The following LARP7 variants were observed in gnomAD, a reference collection of about 807,000 sequenced individuals.
The protein encoded by LARP7 is la-related protein 7.
A neutral mutation model predicts 69.3 loss-of-function variants in LARP7; 52 were observed. The ratio of observed to expected loss-of-function variants is 0.75; its 90% CI spans 0.60 to 0.95. The LOEUF is 0.95. Among genes scored for constraint, LARP7 ranks in the 40% least tolerant of loss-of-function variants. LARP7 has a pLI of 0.00. For synonymous variants in LARP7, 254 were observed against 215.9 expected (o/e 1.18, Z -1.55); for missense variants, 733 against 673.0 (o/e 1.09, Z -0.99).
Position 112,641,484 on chromosome 4 carries a change from G to A in LARP7, c.-2-3184G>A, listed in dbSNP as rs148660216. 5.2e-3 allele frequency among the ~76,000 whole-genome samples: 794 copies of A among 151,674 alleles called. 13 individuals carry two copies. Among genetic ancestry groups the A allele is most frequent in the African/African-American group, 0.017 (704 of 40,978 alleles). ...AAATGGTAATTCTATCTGGAGAATC[G>A]ATTATAAGGGAAGAAGATTAGAAGC... is the stretch of plus-strand genomic sequence containing the variant. On this transcript the variant is annotated intron_variant, in intron 1 of 12. Transcript: ENST00000344442.
At chr4:112,651,593 A>C (rs1202462024) in intron 10 of LARP7, among the ~76,000 whole-genome samples, 1 of 149,580 alleles carries the variant, frequency 6.7e-6, no homozygotes, top group Non-Finnish European at 1.5e-5. Flanking sequence ...TAACTTTATC[A>C]ATTACAAATT....
chr4:112,655,364 G>A (rs1246093008), intron 12 of LARP7: 1 of 152,056 alleles, frequency 6.6e-6, no homozygotes, highest in Non-Finnish European at 1.5e-5. Context: ...AAAATTTAGA[G>A]CTCATCTTTG....
At chr4:112,654,337 A>G in intron 12 of LARP7, 178 bp downstream of exon 12, 3 of 493,064 alleles carry the variant, frequency 6.1e-6, no homozygotes, top group South Asian at 3.4e-5. Context: ...TTCAAAATGT[A>G]TGAAATTGAA....
intron 1 of LARP7, among the ~76,000 whole-genome samples, chr4:112,643,459 C>T (rs1156444707): frequency 6.6e-6 from 1 of 152,064 alleles, no homozygotes. Flanking sequence ...GCTGACAAAG[C>T]AAAGGGGAAG....
At chr4:112,639,854 A>G (rs868344727) in intron 1 of LARP7, among the ~76,000 whole-genome samples, 16 of 152,208 alleles carry the variant, frequency 1.1e-4, no homozygotes, top group South Asian at 4.1e-4. Context: ...ATAATTGGAT[A>G]ATTATCAATA....
At chr4:112,644,551 T>C in intron 1 of LARP7, 117 bp from the exon 2 acceptor site, 1 of 1,041,508 alleles carries the variant, frequency 9.6e-7, no homozygotes, top group Non-Finnish European at 1.3e-6. Flanking sequence ...GTTTGTCTTC[T>C]GATGGCCAAA....
At chr4:112,648,327 A>C in intron 8 of LARP7, 1 of 529,452 alleles carries the variant, frequency 1.9e-6, no homozygotes, top group Non-Finnish European at 3.9e-6. Context: ...AATAACAAAA[A>C]AATTTTGTAA....
chr4:112,649,992 C>T (rs1378324412), intron 9 of LARP7: 1 of 200,604 alleles, frequency 5.0e-6, no homozygotes, highest in Non-Finnish European at 1.0e-5. Flanking sequence ...AGTTTCTCAC[C>T]TGTTAATTTC....
intron 1 of LARP7, among the ~76,000 whole-genome samples, chr4:112,638,199 G>A (rs2047776551): frequency 6.6e-6 from 1 of 152,214 alleles, no homozygotes; most frequent in African/African-American, 2.4e-5. Flanking sequence ...AAGAGGCTTG[G>A]TTGGGAGAAT....
At chr4:112,650,834 T>G (rs572586379) in intron 10 of LARP7, among the ~76,000 whole-genome samples, 2 of 152,326 alleles carry the variant, frequency 1.3e-5, no homozygotes, top group Non-Finnish European at 2.9e-5. Flanking sequence ...AAATTGTAAC[T>G]TTTGCTTATT....
At position 112,653,186 on chromosome 4, in the gene LARP7, C is replaced by G. The variant is rs775018729; in HGVS notation, c.1526C>G (p.Ala509Gly). The change falls in exon 11 of 13, where the codon GCC becomes GGC. Residue 509 changes from alanine to glycine, a missense_variant. Physicochemically the swap from Ala to Gly is moderately conservative, Grantham distance 60. Coordinates refer to ENST00000344442, the MANE Select transcript of LARP7 (RefSeq NM_016648.4). ...GAGGATGCTCAAGCAGTAATAAATGCCTATACAGAAATTAACAAGAAACAC... is the reference window on the plus strand; with the variant it reads ...GAGGATGCTCAAGCAGTAATAAATGGCTATACAGAAATTAACAAGAAACAC... ...TPEDAQAVINAYTEINKKHCW... is the reference protein window; with the variant it reads ...TPEDAQAVINGYTEINKKHCW... The G allele has an allele frequency of 1.2e-6, 2 of 1,604,728 alleles. No individual in the cohort carries two copies. The highest frequency in any genetic ancestry group is 1.7e-6 in the Non-Finnish European group (2 of 1,176,206).
intron 1 of LARP7, among the ~76,000 whole-genome samples, chr4:112,640,219 G>A (rs2047907052): frequency 6.6e-6 from 1 of 152,158 alleles, no homozygotes; most frequent in South Asian, 2.1e-4. Context: ...GATTATAGGC[G>A]TGAACCACTG....
In LARP7 at chr4:112,647,293, C is replaced by T; in HGVS notation, c.741C>T (p.Ser247=). Residue 247 remains serine (S), a synonymous_variant, in exon 7 of 13, where the codon AGC becomes AGT. Transcript: ENST00000344442. ...AAAACATGGACACAAGCAACACCAG[C>T]ATCAGTAAAATGAAAAGATCCAGAC... The part of the protein sequence containing the change: ...KEENMDTSNT[S]ISKMKRSRPT... 2 of 1,613,946 alleles carry T rather than the reference C, an allele frequency of 1.2e-6. No homozygotes were observed. The highest frequency in any genetic ancestry group is 1.7e-6 in the Non-Finnish European group (2 of 1,180,010).
chr4:112,654,299 T>C lies in LARP7; in HGVS notation c.1668+140T>C. The C allele has an allele frequency of 1.1e-5, 6 of 529,510 alleles. 1 individual carries two copies. The South Asian group carries it at 1.8e-4, about 16-fold the overall frequency. 32.8% of individuals were successfully genotyped at this position (529,510 alleles called of 1,614,324 possible). A position where few individuals can be genotyped will look rare whatever the true frequency, so the allele number is the denominator to read the frequency against. ...TACTGAGTATATACTATGTTTTAGG[T>C]TGGGAGGGAAAAGTCATTTCTCTAG... On this transcript the variant is annotated intron_variant, in intron 12 of 12. Transcript: ENST00000344442.
Position 112,650,477 on chromosome 4 carries a change from G to A in LARP7, c.1311G>A (p.Glu437=). 6.2e-7 allele frequency: 1 copy of A among 1,613,832 alleles called. No individual in the cohort carries two copies. The highest frequency in any genetic ancestry group is 8.5e-7 in the Non-Finnish European group (1 of 1,179,792). The change falls in exon 10 of 13, where the codon GAG becomes GAA. Residue 437 remains glutamate, a synonymous_variant. Coordinates refer to ENST00000344442, the MANE Select transcript of LARP7 (RefSeq NM_016648.4). ...MKNEKTANRE[E]CRTQEKVNAT... is the part of the protein sequence containing the mutation. ...TCTAATCAGCAGCCAACAGGGAAGA[G>A]TGTCGCACCCAGGAGAAAGTTAATG...
chr4:112,647,621 T>C (rs773740501), intron 7 of LARP7, 69 bp from the exon 8 acceptor site: 10 of 1,482,682 alleles, frequency 6.7e-6, no homozygotes, highest in Non-Finnish European at 8.1e-6. Context: ...AATTAGGTTT[T>C]AATTGGCTTC....
At position 112,650,441 on chromosome 4, in the gene LARP7, C is replaced by G; in HGVS notation, c.1295-20C>G. 6.2e-7 allele frequency: 1 copy of G among 1,612,892 alleles called. No individual in the cohort carries two copies. Among genetic ancestry groups the G allele is most frequent in the Non-Finnish European group, 8.5e-7 (1 of 1,179,284 alleles). On this transcript the variant is annotated intron_variant, in intron 9 of 12. Transcript: ENST00000344442. ...TAAGTGTAAGAGATTTAGTCCTGGT[C>G]TTTTTCCTTTTCTAATCAGCAGCCA...
chr4:112,652,887 G>T (rs1266571064), intron 10 of LARP7, among the ~76,000 whole-genome samples, 190 bp from the exon 11 acceptor site: 1 of 151,940 alleles, frequency 6.6e-6, no homozygotes, highest in East Asian at 1.9e-4. Context: ...AATTACTAGA[G>T]TTGATATTAT....
At chr4:112,657,225 T>C (rs2048992350) in intron 12 of LARP7, 22 bp from the exon 13 acceptor site, 1 of 1,377,872 alleles carries the variant, frequency 7.3e-7, no homozygotes, top group South Asian at 1.3e-5. Flanking sequence ...TACATTTTAA[T>C]TTTTGATTTA....
Sources: gnomAD v4.1 joint callset for allele counts (sites outside exome capture counted in the v4.1 genomes callset) on GRCh38, gnomAD v4.1.1 for gene constraint, MANE v1.5 for transcripts, NCBI Gene and HGNC (gene_info 2026-07-23, HGNC 2026-07-21) for gene names.